SIX1: variants seen among roughly 807,000 people sequenced by gnomAD.
SIX1 encodes SIX homeobox 1.
A neutral mutation model predicts 26.5 loss-of-function variants in SIX1; 11 were observed. The observed-to-expected ratio is 0.41, with a 90% CI of 0.26 to 0.69. The LOEUF is 0.69. SIX1 is among the 30% of genes least tolerant of loss of function. SIX1 has a pLI of 0.28. For synonymous variants in SIX1, 177 were observed against 166.2 expected (o/e 1.06, Z -0.50); for missense variants, 333 against 365.9 (o/e 0.91, Z 0.73).
In SIX1 at chr14:60,648,884, G is replaced by A. The variant is rs749329131; in HGVS notation, c.306C>T (p.Pro102=). ...YVEAEKLRGR[P]LGAVGKYRVR... The stretch of plus-strand genomic sequence containing the variant: ...CCCGATATTTGCCCACGGCGCCCAG[G>A]GGTCGGCCGCGCAGCTTCTCGGCCT... Residue 102 remains proline (P), a synonymous_variant, in exon 1 of 2, where the codon CCC becomes CCT. Transcript: ENST00000645694. The surrounding 1 kb of genome is among the most constrained non-coding windows in gnomAD (Gnocchi z 7.9). The A allele has an allele frequency of 2.0e-5, 32 of 1,614,086 alleles. No individual in the cohort carries two copies. The highest frequency in any genetic ancestry group is 2.7e-5 in the Non-Finnish European group (32 of 1,180,046).
rs1462501639 is a variant in SIX1 at position 60,647,873 on chromosome 14, T to C, written c.560+757A>G. ...AGAGACCAATTTTTAAAATATTGCC[T>C]TGTGAGCTCCAGTGCGAGAGAGGGC... On this transcript the variant is annotated intron_variant, in intron 1 of 1. Transcript: ENST00000645694. The surrounding 1 kb of genome is among the most constrained non-coding windows in gnomAD (Gnocchi z 5.1). Among the ~76,000 whole-genome samples the C allele has an allele frequency of 6.6e-6, 1 of 152,200 alleles. No individual in the cohort carries two copies. The highest frequency in any genetic ancestry group is 2.4e-5 in the African/African-American group (1 of 41,458).
Position 60,646,304 on chromosome 14 carries a change from A to G in SIX1, c.834T>C (p.Ser278=). 1 of 1,613,132 alleles carries G rather than the reference A, an allele frequency of 6.2e-7. No individual in the cohort carries two copies. The change falls in exon 2 of 2, where the codon AGT becomes AGC. Residue 278 remains serine (S), a synonymous_variant. Transcript: ENST00000645694. ...QDSLLGPLTS[S]LVDLGS is the part of the protein sequence containing the mutation. ...CCACTTAGGACCCCAAGTCCACCAG[A>G]CTGGAGGTGAGGGGGCCGAGCAGAG... is the stretch of plus-strand genomic sequence containing the variant.
chr14:60,648,843 G>A lies in SIX1; in HGVS notation c.347C>T (p.Pro116Leu), dbSNP rs777361656. The A allele has an allele frequency of 1.9e-6, 3 of 1,614,102 alleles. No individual in the cohort carries two copies. Among genetic ancestry groups the A allele is most frequent in the African/African-American group, 2.7e-5 (2 of 74,946 alleles). ...GCCGTCCCAGATGGTGCGCGGCAGT[G>A]GAAATTTTCGGCGCACCCGATATTT... is the stretch of plus-strand genomic sequence containing the variant. ...VGKYRVRRKF[P>L]LPRTIWDGEE... is the part of the protein sequence containing the mutation. The change falls in exon 1 of 2, where the codon CCA becomes CTA. Residue 116 changes from proline to leucine, a missense_variant. Physicochemically the swap from Pro to Leu is moderately conservative, Grantham distance 98. Around this residue, in one of 3 missense-constraint regions of SIX1, gnomAD observed 199 missense variants for 215.2 expected, o/e 0.92. Transcript: ENST00000645694. The surrounding 1 kb of genome is among the most constrained non-coding windows in gnomAD (Gnocchi z 7.9).
At chr14:60,646,880 A>G (rs953874523) in intron 1 of SIX1, among the ~76,000 whole-genome samples, 5 of 152,262 alleles carry the variant, frequency 3.3e-5, no homozygotes, top group African/African-American at 1.2e-4. Context: ...TATTTGAAAC[A>G]TACAAAATAT....
At position 60,647,170 on chromosome 14, in the gene SIX1, T is replaced by C. The variant is rs1894959386; in HGVS notation, c.561-593A>G. ...TGGTGCCCAGCGCGGCCCAGTGACC[T>C]GAGTAAACACAGGGAGCGCAGCCAG... On this transcript the variant is annotated intron_variant, in intron 1 of 1. Transcript: ENST00000645694. This position sits in a 1 kb window ranked among gnomAD's most constrained non-coding sequence, Gnocchi z 5.1. Among the ~76,000 whole-genome samples the C allele has an allele frequency of 6.6e-6, 1 of 152,214 alleles. No individual in the cohort carries two copies. The highest frequency in any genetic ancestry group is 2.1e-4 in the South Asian group (1 of 4,834).
chr14:60,648,522 C>G lies in SIX1; in HGVS notation c.560+108G>C. 8.6e-7 allele frequency: 1 copy of G among 1,159,636 alleles called. No homozygotes were observed. Among genetic ancestry groups the G allele is most frequent in the Non-Finnish European group, 1.2e-6 (1 of 811,944 alleles). 71.8% of individuals were successfully genotyped at this position (1,159,636 alleles called of 1,614,324 possible). On this transcript the variant is annotated intron_variant, in intron 1 of 1. Coordinates refer to ENST00000645694, the MANE Select transcript of SIX1 (RefSeq NM_005982.4). The surrounding 1 kb of genome is among the most constrained non-coding windows in gnomAD (Gnocchi z 7.9). Reference sequence around the variant, plus strand: ...TGCGCGCCGCCCCGTGGACGGGCTCCGGCCGGCGGGGAGGACTTGGTGGCT... The same window carrying G: ...TGCGCGCCGCCCCGTGGACGGGCTCGGGCCGGCGGGGAGGACTTGGTGGCT...
rs1894928824 is a variant in SIX1, at chr14:60,645,838, TC to T, written c.*444del. ...TTTTCACTATTTTTATCTCCCTTTCTCTTTCTCTTTCCATTTCCTTTCCCTC... is the reference window on the plus strand; with the variant it reads ...TTTTCACTATTTTTATCTCCCTTTCTTTTCTCTTTCCATTTCCTTTCCCTC... On this transcript the variant is annotated 3_prime_UTR_variant, in exon 2 of 2. Coordinates refer to ENST00000645694, the MANE Select transcript of SIX1 (RefSeq NM_005982.4). The surrounding 1 kb of genome is among the most constrained non-coding windows in gnomAD (Gnocchi z 4.6). 6.5e-6 allele frequency: 1 copy of T among 153,242 alleles called. No individual in the cohort carries two copies. Among genetic ancestry groups the T allele is most frequent in the Non-Finnish European group, 1.5e-5 (1 of 68,880 alleles). The allele number at this position is 153,242 out of a possible 1,614,324, so 9.5% of individuals were successfully genotyped here. A position where few individuals can be genotyped will look rare whatever the true frequency, so the allele number is the denominator to read the frequency against.
At position 60,643,659 on chromosome 14, in the gene SIX1, ATCTC is replaced by A. The variant is rs1477360759; in HGVS notation, c.*2620_*2623del. On this transcript the variant is annotated 3_prime_UTR_variant, in exon 2 of 2. Coordinates refer to ENST00000645694, the MANE Select transcript of SIX1 (RefSeq NM_005982.4). ...AAAATATGGTTAGTTTCCCCTAATGATCTCTCTGAAATGATTGCCAAAAAAACTC... is the reference window on the plus strand; with the variant it reads ...AAAATATGGTTAGTTTCCCCTAATGATCTGAAATGATTGCCAAAAAAACTC... The A allele has an allele frequency of 1.3e-5, 2 of 152,114 alleles. No individual in the cohort carries two copies. Among genetic ancestry groups the A allele is most frequent in the Admixed American group, 6.5e-5 (1 of 15,278 alleles). 9.4% of individuals were successfully genotyped at this position (152,114 alleles called of 1,614,324 possible). A position where few individuals can be genotyped will look rare whatever the true frequency, so the allele number is the denominator to read the frequency against.
rs554892433 is a variant in SIX1 at position 60,645,456 on chromosome 14, T to G, written c.*827A>C. On this transcript the variant is annotated 3_prime_UTR_variant, in exon 2 of 2. Transcript: ENST00000645694. This position sits in a 1 kb window ranked among gnomAD's most constrained non-coding sequence, Gnocchi z 4.6. ...TACAGATATGAAAGCTTTGAGGGCA[T>G]GAGTAATGGCATTCAGGAAAGTGTT... 6.6e-6 allele frequency: 1 copy of G among 151,982 alleles called. No homozygotes were observed. Among genetic ancestry groups the G allele is most frequent in the African/African-American group, 2.4e-5 (1 of 41,476 alleles). The allele number at this position is 151,982 out of a possible 1,614,324, so 9.4% of individuals were successfully genotyped here.
rs1895004612 is a variant in SIX1 at position 60,648,881 on chromosome 14, C to A, written c.309G>T (p.Leu103=). ...GCACCCGATATTTGCCCACGGCGCC[C>A]AGGGGTCGGCCGCGCAGCTTCTCGG... The part of the protein sequence containing the change: ...VEAEKLRGRP[L]GAVGKYRVRR... The change falls in exon 1 of 2, where the codon CTG becomes CTT. Residue 103 remains leucine, a synonymous_variant. Transcript: ENST00000645694. The surrounding 1 kb of genome is among the most constrained non-coding windows in gnomAD (Gnocchi z 7.9). 1 of 1,614,094 alleles carries A rather than the reference C, an allele frequency of 6.2e-7. No homozygotes were observed. The highest frequency in any genetic ancestry group is 1.7e-5 in the Admixed American group (1 of 60,018).
At position 60,646,174 on chromosome 14, in the gene SIX1, C is replaced by T; in HGVS notation, c.*109G>A. ...CCACCATTCCTTTATGCGCAAACAA[C>T]TCCAGAAACAAGCTGCAAAAATGTT... is the stretch of plus-strand genomic sequence containing the variant. On this transcript the variant is annotated 3_prime_UTR_variant, in exon 2 of 2. Transcript: ENST00000645694. 9.3e-7 allele frequency: 1 copy of T among 1,075,210 alleles called. No homozygotes were observed. Among genetic ancestry groups the T allele is most frequent in the Non-Finnish European group, 1.3e-6 (1 of 750,886 alleles). 66.6% of individuals were successfully genotyped at this position (1,075,210 alleles called of 1,614,324 possible).
In SIX1 at chr14:60,648,483, C is replaced by T. The variant is rs1894992558; in HGVS notation, c.560+147G>A. 3 of 721,954 alleles carry T rather than the reference C, an allele frequency of 4.2e-6. No individual in the cohort carries two copies. In the South Asian group the frequency reaches 5.5e-5, roughly 13 times the overall value. The allele number at this position is 721,954 out of a possible 1,614,324, so 44.7% of individuals were successfully genotyped here. A position where few individuals can be genotyped will look rare whatever the true frequency, so the allele number is the denominator to read the frequency against. On this transcript the variant is annotated intron_variant, in intron 1 of 1. Coordinates refer to ENST00000645694, the MANE Select transcript of SIX1 (RefSeq NM_005982.4). The surrounding 1 kb of genome is among the most constrained non-coding windows in gnomAD (Gnocchi z 7.9). ...CAGAGTTCATGAACTTTCGCTGCAG[C>T]GCCGCGGAGGGCCTGCGCGCCGCCC...
At position 60,648,490 on chromosome 14, in the gene SIX1, G is replaced by A; in HGVS notation, c.560+140C>T. 2.7e-6 allele frequency: 2 copies of A among 749,866 alleles called. No individual in the cohort carries two copies. The allele number at this position is 749,866 out of a possible 1,614,324, so 46.5% of individuals were successfully genotyped here. On this transcript the variant is annotated intron_variant, in intron 1 of 1. Coordinates refer to ENST00000645694, the MANE Select transcript of SIX1 (RefSeq NM_005982.4). This position sits in a 1 kb window ranked among gnomAD's most constrained non-coding sequence, Gnocchi z 7.9. ...CATGAACTTTCGCTGCAGCGCCGCG[G>A]AGGGCCTGCGCGCCGCCCCGTGGAC... is the stretch of plus-strand genomic sequence containing the variant.
Position 60,643,674 on chromosome 14 carries a change from T to C in SIX1, c.*2609A>G, listed in dbSNP as rs541718684. On this transcript the variant is annotated 3_prime_UTR_variant, in exon 2 of 2. Transcript: ENST00000645694. ...TCCCCTAATGATCTCTCTGAAATGA[T>C]TGCCAAAAAAACTCAAAGCAATATC... The C allele has an allele frequency of 3.3e-5, 5 of 152,266 alleles. No homozygotes were observed. The South Asian group carries it at 1.0e-3, about 32-fold the overall frequency. The allele number at this position is 152,266 out of a possible 1,614,324, so 9.4% of individuals were successfully genotyped here.
rs180814298 is a variant in SIX1 at position 60,645,624 on chromosome 14, G to A, written c.*659C>T. On this transcript the variant is annotated 3_prime_UTR_variant, in exon 2 of 2. Coordinates refer to ENST00000645694, the MANE Select transcript of SIX1 (RefSeq NM_005982.4). This position sits in a 1 kb window ranked among gnomAD's most constrained non-coding sequence, Gnocchi z 4.6. ...CGTCTATTTCTGTCTCACATAGAGA[G>A]CATTAAGACATTTAGGCACTTGTTT... 1 of 152,060 alleles carries A rather than the reference G, an allele frequency of 6.6e-6. No individual in the cohort carries two copies. The highest frequency in any genetic ancestry group is 1.9e-4 in the East Asian group (1 of 5,188). The allele number at this position is 152,060 out of a possible 1,614,324, so 9.4% of individuals were successfully genotyped here.
chr14:60,646,638 A>T (rs528448939), intron 1 of SIX1, 61 bp from the exon 2 acceptor site: 7 of 1,232,156 alleles, frequency 5.7e-6, no homozygotes, highest in Admixed American at 4.7e-5. Flanking sequence ...AAAGTAGGTT[A>T]AAAAAAAAGT....
chr14:60,649,048 T>C lies in SIX1; in HGVS notation c.142A>G (p.Ser48Gly). ...ACCACCGCCTTGGCCTTGAGTACGC[T>C]CTCGTTCTTGTGCAGGTGGTCGCAG... The part of the protein sequence containing the change: ...PACDHLHKNE[S>G]VLKAKAVVAF... Residue 48 changes from serine (S) to glycine (G), a missense_variant, in exon 1 of 2, where the codon AGC (serine) becomes GGC (glycine). Ser to Gly is a moderately conservative substitution (Grantham distance 56). Transcript: ENST00000645694. The surrounding 1 kb of genome is among the most constrained non-coding windows in gnomAD (Gnocchi z 5.1). The C allele has an allele frequency of 6.2e-7, 1 of 1,613,946 alleles. No individual in the cohort carries two copies. Among genetic ancestry groups the C allele is most frequent in the South Asian group, 1.1e-5 (1 of 91,086 alleles).
At chr14:60,646,714 T>A in intron 1 of SIX1, 137 bp from the exon 2 acceptor site, 1 of 760,244 alleles carries the variant, frequency 1.3e-6, no homozygotes, top group Non-Finnish European at 2.1e-6. Context: ...CCAACCCAAA[T>A]GGAGGAGCTC....
Position 60,646,432 on chromosome 14 carries a change from C to G in SIX1, c.706G>C (p.Gly236Arg), listed in dbSNP as rs780726681. Residue 236 changes from glycine (G) to arginine (R), a missense_variant, in exon 2 of 2, where the codon GGC becomes CGC. By Grantham distance (125) the Gly-to-Arg change is moderately radical. This residue lies in a region of SIX1 where 199 missense variants were observed against 215.2 expected (regional missense o/e 0.92). Coordinates refer to ENST00000645694, the MANE Select transcript of SIX1 (RefSeq NM_005982.4). ...GAGCTCCTGGCGTGGCCCATATTGC[C>G]CTGCAGCAGAAGGACCGAGTTCTGG... ...PDQNSVLLLQ[G>R]NMGHARSSNY... 1 of 1,613,888 alleles carries G rather than the reference C, an allele frequency of 6.2e-7. No homozygotes were observed. Among genetic ancestry groups the G allele is most frequent in the South Asian group, 1.1e-5 (1 of 91,062 alleles).
Sources: allele counts gnomAD v4.1 joint callset (sites outside exome capture counted in the v4.1 genomes callset), GRCh38; gene constraint gnomAD v4.1.1; regional missense constraint gnomAD v4.1.1; non-coding constraint Gnocchi (gnomAD v3.1); transcripts MANE v1.5; gene names NCBI Gene and HGNC (gene_info 2026-07-23, HGNC 2026-07-21).